SGCD: variants seen among roughly 807,000 people sequenced by gnomAD.
The protein encoded by SGCD is delta-sarcoglycan.
Under a neutral mutation model 36.6 loss-of-function variants are expected in SGCD, and 18 were observed. The observed-to-expected ratio is 0.49, with a 90% CI of 0.34 to 0.73. SGCD has a LOEUF of 0.73. Ranked by LOEUF, SGCD falls within the 30% of genes least tolerant of loss-of-function variation. The pLI, the probability that SGCD is intolerant of heterozygous loss-of-function variation, is 0.01. For missense variants in SGCD, 387 were observed against 346.7 expected, an observed-to-expected ratio of 1.12 and a Z score of -0.92; for synonymous variants, 133 against 130.6, an observed-to-expected ratio of 1.02 and a Z score of -0.12.
intron 1 of SGCD, among the ~76,000 whole-genome samples, chr5:155,968,826 G>A (rs929222271): frequency 4.6e-5 from 7 of 152,028 alleles, no homozygotes; most frequent in Middle Eastern, 3.2e-3. Context: ...TTAAATGTGT[G>A]GGTGTGTCTT....
intron 3 of SGCD, among the ~76,000 whole-genome samples, chr5:156,490,050 C>G (rs1216641185): frequency 6.6e-6 from 1 of 151,830 alleles, no homozygotes; most frequent in East Asian, 1.9e-4. Context: ...TGATCCGACA[C>G]AAATGCAAGG....
chr5:156,619,053 T>A (rs1239508886), intron 6 of SGCD, among the ~76,000 whole-genome samples: 3 of 150,062 alleles, frequency 2.0e-5, no homozygotes, highest in Non-Finnish European at 4.4e-5. Context: ...TGAGACAGCG[T>A]ATCGCTCTGT....
At chr5:156,731,203 T>C (rs1294794512) in intron 7 of SGCD, among the ~76,000 whole-genome samples, 1 of 152,182 alleles carries the variant, frequency 6.6e-6, no homozygotes, top group Non-Finnish European at 1.5e-5. Context: ...ATTCTGTAGG[T>C]TGTCTATTTA....
chr5:156,583,738 A>G (rs1561795138), intron 4 of SGCD, among the ~76,000 whole-genome samples: 2 of 152,240 alleles, frequency 1.3e-5, no homozygotes, highest in Non-Finnish European at 2.9e-5. Context: ...ATAATATGAC[A>G]TTGGTACAAG....
intron 4 of SGCD, among the ~76,000 whole-genome samples, chr5:156,524,359 C>A (rs1039541462): frequency 1.4e-5 from 2 of 147,462 alleles, no homozygotes; most frequent in South Asian, 2.1e-4. Context: ...AATATTCACT[C>A]CTCTTTACCA....
intron 7 of SGCD, among the ~76,000 whole-genome samples, chr5:156,720,071 A>G (rs572580781): frequency 2.0e-5 from 3 of 152,266 alleles, no homozygotes; most frequent in African/African-American, 7.2e-5. Context: ...CCTTCTCTGC[A>G]GGAGGGAATG....
At chr5:156,203,151 C>A (rs1027268612) in intron 3 of SGCD, among the ~76,000 whole-genome samples, 2 of 152,080 alleles carry the variant, frequency 1.3e-5, no homozygotes, top group Non-Finnish European at 2.9e-5. Flanking sequence ...ATTTGGAATG[C>A]AAATCCACAT....
At chr5:156,173,929 G>C (rs1373199357) in intron 3 of SGCD, among the ~76,000 whole-genome samples, 1 of 151,988 alleles carries the variant, frequency 6.6e-6, no homozygotes, top group Admixed American at 6.6e-5. Context: ...GACTTATAAA[G>C]TCAGGAAACC....
At chr5:156,633,469 G>C (rs116229180) in intron 6 of SGCD, among the ~76,000 whole-genome samples, 1 of 152,074 alleles carries the variant, frequency 6.6e-6, no homozygotes. Context: ...CATGTTTAGC[G>C]GGGAGTTAAG....
intron 3 of SGCD, among the ~76,000 whole-genome samples, chr5:156,504,393 T>TATATAC (rs1491311977): frequency 1.3e-4 from 1 of 7,676 alleles, no homozygotes; most frequent in Non-Finnish European, 2.6e-4. Context: ...TGTGTGTGTG[T>TATATAC]ATATATATAT....
Position 156,032,968 on chromosome 5 carries a change from T to A in SGCD, c.-281-84910T>A, listed in dbSNP as rs145920200. ...GGCACACACCTGTGATCCCAGTTAC[T>A]CAGGAGGCTGAGGCAGGAAGATCGT... On this transcript the variant is annotated intron_variant, in intron 1 of 9. Transcript: ENST00000517913. 1.3e-3 allele frequency among the ~76,000 whole-genome samples: 205 copies of A among 151,954 alleles called. No individual in the cohort carries two copies. The East Asian group carries it at 0.037, about 28-fold the overall frequency.
At chr5:155,786,615 A>C in the SGCD span, among the ~76,000 whole-genome samples, 2 of 152,288 alleles carry the variant, frequency 1.3e-5, no homozygotes, top group Middle Eastern at 3.4e-3. Context: ...ATATGGTGGC[A>C]ATACAAAAAA....
intron 4 of SGCD, among the ~76,000 whole-genome samples, chr5:156,578,173 A>G (rs917228653): frequency 6.6e-6 from 1 of 152,116 alleles, no homozygotes; most frequent in African/African-American, 2.4e-5. Flanking sequence ...TGAGATAATC[A>G]TGTGGTTTTT....
chr5:156,519,432 C>A (rs2113025918), intron 4 of SGCD, among the ~76,000 whole-genome samples: 1 of 152,148 alleles, frequency 6.6e-6, no homozygotes, highest in Admixed American at 6.5e-5. Context: ...AGAATTCTAC[C>A]AGAGGTACAA....
rs938130664 is a variant in SGCD, at chr5:156,039,172, G to C, written c.-281-78706G>C. ...ACCACCTAGCCCTAAGAACCAATAAGACCATTTAGTTTTTGCTCCTGTCAT... is the reference window on the plus strand; with the variant it reads ...ACCACCTAGCCCTAAGAACCAATAACACCATTTAGTTTTTGCTCCTGTCAT... On this transcript the variant is annotated intron_variant, in intron 1 of 9. Coordinates refer to the SGCD transcript ENST00000517913. Among the ~76,000 whole-genome samples the C allele has an allele frequency of 2.6e-4, 39 of 151,866 alleles. 2 individuals carry two copies. Among genetic ancestry groups the C allele is most frequent in the Admixed American group, 2.6e-3 (39 of 15,242 alleles).
chr5:156,704,534 G>A (rs987362599), intron 7 of SGCD, among the ~76,000 whole-genome samples: 1 of 152,080 alleles, frequency 6.6e-6, no homozygotes, highest in African/African-American at 2.4e-5. Context: ...TAGATGAATG[G>A]GAAATGAATA....
chr5:156,607,069 C>A (rs1218191981), intron 6 of SGCD, among the ~76,000 whole-genome samples: 1 of 152,206 alleles, frequency 6.6e-6, no homozygotes, highest in Non-Finnish European at 1.5e-5. Context: ...CTGGCCAGAA[C>A]TTCCAACACT....
At chr5:156,036,356 C>G (rs1483089677) in intron 1 of SGCD, among the ~76,000 whole-genome samples, 1 of 152,124 alleles carries the variant, frequency 6.6e-6, no homozygotes, top group Non-Finnish European at 1.5e-5. Context: ...AAGTTTCAGG[C>G]AAAATCATCA....
intron 6 of SGCD, among the ~76,000 whole-genome samples, chr5:156,600,502 T>G (rs996896127): frequency 6.6e-6 from 1 of 152,240 alleles, no homozygotes; most frequent in African/African-American, 2.4e-5. Context: ...AATATTATTC[T>G]TTTTATGGCT....
Sources: gnomAD v4.1 joint callset for allele counts (sites outside exome capture counted in the v4.1 genomes callset) on GRCh38, gnomAD v4.1.1 for gene constraint, MANE v1.5 for transcripts, NCBI Gene and HGNC (gene_info 2026-07-23, HGNC 2026-07-21) for gene names.